Variants in RERE observed in about 807,000 individuals in gnomAD.
The protein encoded by RERE is arginine-glutamic acid dipeptide repeats protein.
In RERE, 40 loss-of-function variants were observed where a neutral mutation model predicts 146.1. The ratio of observed to expected loss-of-function variants is 0.27; its 90% CI spans 0.21 to 0.36. The LOEUF (loss-of-function observed/expected upper bound fraction) is 0.36. RERE is among the 10% of genes least tolerant of loss of function. RERE has a pLI of 1.00. For synonymous variants in RERE, 1,003 were observed against 866.0 expected, an observed-to-expected ratio of 1.16 and a Z score of -2.78; for missense variants, 1,933 against 2,138.7, an observed-to-expected ratio of 0.90 and a Z score of 1.90.
chr1:8,519,323 T>C (rs915762321), intron 7 of RERE, among the ~76,000 whole-genome samples: 4 of 152,068 alleles, frequency 2.6e-5, no homozygotes, highest in African/African-American at 9.7e-5. Context: ...TCCCAGCTAG[T>C]TGGGAGGCTG....
chr1:8,477,022 C>T (rs1158563120), intron 10 of RERE, among the ~76,000 whole-genome samples: 2 of 152,314 alleles, frequency 1.3e-5, no homozygotes, highest in Admixed American at 6.5e-5. Context: ...TGAATGGCTC[C>T]TGCACAGGCT....
At chr1:8,808,149 A>C (rs934447810) in intron 1 of RERE, among the ~76,000 whole-genome samples, 1 of 144,866 alleles carries the variant, frequency 6.9e-6, no homozygotes, top group East Asian at 2.0e-4. Context: ...CCTTGTCTCA[A>C]AAAAAAAAAA....
intron 10 of RERE, among the ~76,000 whole-genome samples, chr1:8,491,296 C>T (rs1258209417): frequency 3.3e-5 from 5 of 152,090 alleles, no homozygotes; most frequent in East Asian, 3.9e-4. Flanking sequence ...CAAAATTAGC[C>T]GGGTTTGGTG....
At chr1:8,467,925 T>A (rs569307415) in intron 10 of RERE, among the ~76,000 whole-genome samples, 1 of 152,236 alleles carries the variant, frequency 6.6e-6, no homozygotes, top group Non-Finnish European at 1.5e-5. Flanking sequence ...ATAACAGGCA[T>A]GAGCCACCGC....
chr1:8,612,507 C>T (rs1037611137), intron 4 of RERE, among the ~76,000 whole-genome samples: 3 of 152,158 alleles, frequency 2.0e-5, no homozygotes, highest in African/African-American at 2.4e-5. Flanking sequence ...CTCCACCAGT[C>T]ATGAACTTAT....
chr1:8,789,282 C>CAAA (rs58993452), intron 1 of RERE, among the ~76,000 whole-genome samples: 1 of 38,496 alleles, frequency 2.6e-5, no homozygotes, highest in African/African-American at 1.9e-4. Context: ...TCCTCTCTAC[C>CAAA]AAAAAAAAAA....
rs763630160 is a variant in RERE, at chr1:8,362,753, C to T, written c.1832G>A (p.Arg611Gln). The change falls in exon 16 of 23, where the codon CGG becomes CAG. Residue 611 changes from arginine (R) to glutamine (Q), a missense_variant. Around this residue, in one of 11 missense-constraint regions of RERE, gnomAD observed 1,255 missense variants for 1,153.8 expected, o/e 1.09. Transcript: ENST00000400908. Reference sequence around the variant, plus strand: ...GGTACTGGCAGCGCTGGGGGAGTTCCGGCCGCTGGAGCGGATGTCTTCATT... The same window carrying T: ...GGTACTGGCAGCGCTGGGGGAGTTCTGGCCGCTGGAGCGGATGTCTTCATT... ...PINEDIRSSG[R>Q]NSPSAASTSS... 3.7e-6 allele frequency: 6 copies of T among 1,614,116 alleles called. No individual in the cohort carries two copies. Among genetic ancestry groups the T allele is most frequent in the Admixed American group, 1.7e-5 (1 of 60,002 alleles).
intron 12 of RERE, among the ~76,000 whole-genome samples, chr1:8,388,650 G>A (rs938917304): frequency 2.4e-4 from 37 of 152,200 alleles, no homozygotes; most frequent in African/African-American, 7.0e-4. Flanking sequence ...GCGTGGTGGC[G>A]ACAGTTCACC....
At chr1:8,703,824 A>C (rs1251341849) in intron 1 of RERE, among the ~76,000 whole-genome samples, 2 of 152,226 alleles carry the variant, frequency 1.3e-5, no homozygotes, top group Admixed American at 1.3e-4. Flanking sequence ...CAGACAAGCT[A>C]AACATTTATT....
At chr1:8,573,844 C>T (rs1327490246) in intron 4 of RERE, among the ~76,000 whole-genome samples, 1 of 152,164 alleles carries the variant, frequency 6.6e-6, no homozygotes, top group Non-Finnish European at 1.5e-5. Context: ...GTCTCACTCT[C>T]ACCCAGGCTG....
intron 1 of RERE, among the ~76,000 whole-genome samples, chr1:8,661,909 T>G (rs1427236318): frequency 6.6e-6 from 1 of 152,212 alleles, no homozygotes; most frequent in Non-Finnish European, 1.5e-5. Flanking sequence ...CTTTTAAAAC[T>G]CATGAGAACA....
chr1:8,562,152 TAGAG>T (rs1223416493), intron 4 of RERE, among the ~76,000 whole-genome samples: 2 of 152,136 alleles, frequency 1.3e-5, no homozygotes, highest in Non-Finnish European at 2.9e-5. Context: ...GCAGCAAAGA[TAGAG>T]AGAAAAGAGG....
intron 2 of RERE, among the ~76,000 whole-genome samples, chr1:8,644,231 T>C (rs1647226659): frequency 1.3e-5 from 2 of 152,184 alleles, no homozygotes; most frequent in African/African-American, 4.8e-5. Context: ...ACAAGACATG[T>C]GCATGCAATT....
chr1:8,508,337 G>A (rs1241152425), intron 8 of RERE, among the ~76,000 whole-genome samples: 2 of 152,200 alleles, frequency 1.3e-5, no homozygotes, highest in African/African-American at 4.8e-5. Flanking sequence ...TGGAGTTACT[G>A]TTTACGGGTA....
At chr1:8,460,629 A>C (rs988320741) in intron 11 of RERE, among the ~76,000 whole-genome samples, 1 of 152,232 alleles carries the variant, frequency 6.6e-6, no homozygotes, top group Non-Finnish European at 1.5e-5. Context: ...ATTACATCAA[A>C]ATTGATATAA....
intron 4 of RERE, among the ~76,000 whole-genome samples, chr1:8,579,596 C>T (rs933753902): frequency 2.0e-5 from 3 of 152,218 alleles, no homozygotes; most frequent in Non-Finnish European, 2.9e-5. Flanking sequence ...AGACTACTGC[C>T]TCTGCATTAA....
intron 10 of RERE, among the ~76,000 whole-genome samples, chr1:8,476,998 C>G (rs1024197): frequency 0.67 from 102,604 of 152,112 alleles, 35,564 homozygotes; most frequent in East Asian, 0.84. Flanking sequence ...ACATTCCCCA[C>G]GCCAAACACT....
intron 4 of RERE, among the ~76,000 whole-genome samples, chr1:8,600,709 A>T (rs1646610986): frequency 6.6e-6 from 1 of 151,626 alleles, no homozygotes; most frequent in South Asian, 2.1e-4. Context: ...CTAAAAAAGT[A>T]CTCAAAACAC....
At chr1:8,404,785 C>A (rs1643391631) in intron 12 of RERE, among the ~76,000 whole-genome samples, 2 of 152,142 alleles carry the variant, frequency 1.3e-5, no homozygotes, top group Non-Finnish European at 2.9e-5. Context: ...CAGACTGGTG[C>A]CAACCGTGTC....
Sources: allele counts gnomAD v4.1 joint callset (sites outside exome capture counted in the v4.1 genomes callset), GRCh38; gene constraint gnomAD v4.1.1; regional missense constraint gnomAD v4.1.1; transcripts MANE v1.5; gene names NCBI Gene and HGNC (gene_info 2026-07-23, HGNC 2026-07-21).